Variants in RNF121 observed in about 807,000 individuals in gnomAD.
RNF121 encodes ring finger protein 121, also known as E3 ubiquitin ligase RNF121.
Under a neutral mutation model 46.5 loss-of-function variants are expected in RNF121, and 21 were observed. The observed-to-expected ratio is 0.45, with a 90% CI of 0.32 to 0.65. The LOEUF (loss-of-function observed/expected upper bound fraction) is 0.65, where lower values mean the gene tolerates loss of function less well. Ranked by LOEUF, RNF121 falls within the 30% of genes least tolerant of loss-of-function variation. The pLI is 0.04. For synonymous variants in RNF121, 139 were observed against 144.7 expected (o/e 0.96, Z 0.28); for missense variants, 346 against 416.0 (o/e 0.83, Z 1.46).
chr11:71,988,117 A>G (rs544846980), intron 5 of RNF121, among the ~76,000 whole-genome samples: 1 of 152,338 alleles, frequency 6.6e-6, no homozygotes, highest in Non-Finnish European at 1.5e-5. Context: ...ATTATCCCAG[A>G]TAACGCTGCT....
At chr11:71,931,613 G>T (rs1344643192) in intron 1 of RNF121, among the ~76,000 whole-genome samples, 1 of 152,092 alleles carries the variant, frequency 6.6e-6, no homozygotes, top group Non-Finnish European at 1.5e-5. Context: ...AGTAAGACAG[G>T]ATCTTTACCA....
chr11:71,961,815 T>G (rs1231686794), intron 3 of RNF121, among the ~76,000 whole-genome samples: 1 of 152,172 alleles, frequency 6.6e-6, no homozygotes, highest in African/African-American at 2.4e-5. Flanking sequence ...TGGCACACAC[T>G]TGTAATCCCA....
intron 3 of RNF121, among the ~76,000 whole-genome samples, chr11:71,972,533 C>G (rs1954441093): frequency 1.3e-5 from 2 of 151,974 alleles, no homozygotes; most frequent in African/African-American, 4.8e-5. Flanking sequence ...TAGCTCTGTT[C>G]TCCTAGACCA....
At chr11:71,959,541 G>A (rs1285027297) in intron 2 of RNF121, among the ~76,000 whole-genome samples, 1 of 151,406 alleles carries the variant, frequency 6.6e-6, no homozygotes, top group Non-Finnish European at 1.5e-5. Context: ...AGTTACATTT[G>A]TATTTGATTT....
intron 1 of RNF121, among the ~76,000 whole-genome samples, chr11:71,944,527 T>C (rs1953668517): frequency 6.6e-6 from 1 of 152,108 alleles, no homozygotes; most frequent in African/African-American, 2.4e-5. Flanking sequence ...CAGGAGAGCA[T>C]ATGTTAAGTC....
chr11:71,944,994 G>T (rs1439758478), intron 1 of RNF121, among the ~76,000 whole-genome samples: 2 of 150,858 alleles, frequency 1.3e-5, no homozygotes, highest in African/African-American at 2.4e-5. Flanking sequence ...TCACTTTTTT[G>T]TTGTTTTTTT....
intron 1 of RNF121, among the ~76,000 whole-genome samples, chr11:71,929,448 A>T (rs1392448866): frequency 6.6e-6 from 1 of 151,698 alleles, no homozygotes; most frequent in Non-Finnish European, 1.5e-5. Flanking sequence ...AGGTAGTTTG[A>T]GTTGGAGGGA....
At chr11:71,993,572 C>A (rs1289427329) in intron 6 of RNF121, among the ~76,000 whole-genome samples, 1 of 152,100 alleles carries the variant, frequency 6.6e-6, no homozygotes, top group Non-Finnish European at 1.5e-5. Context: ...TTGTGTGTGA[C>A]ACCGCATTTG....
chr11:71,971,431 TAAGA>T (rs1380940496), intron 3 of RNF121, among the ~76,000 whole-genome samples: 1 of 152,126 alleles, frequency 6.6e-6, no homozygotes, highest in Non-Finnish European at 1.5e-5. Context: ...TATAAGCAAG[TAAGA>T]AAGATTCGAT....
chr11:71,965,870 G>A (rs1954265089), intron 3 of RNF121, among the ~76,000 whole-genome samples: 1 of 152,202 alleles, frequency 6.6e-6, no homozygotes, highest in Non-Finnish European at 1.5e-5. Flanking sequence ...GGTATAGTCA[G>A]TATTTTTAAT....
rs572460609 is a variant in RNF121 at position 71,995,346 on chromosome 11, C to T, written c.762-104C>T. The T allele has an allele frequency of 5.8e-6, 5 of 864,688 alleles. No homozygotes were observed. In the East Asian group the frequency reaches 1.3e-4, roughly 23 times the overall value. 53.6% of individuals were successfully genotyped at this position (864,688 alleles called of 1,614,324 possible). On this transcript the variant is annotated intron_variant, in intron 7 of 8. Transcript: ENST00000361756. The stretch of plus-strand genomic sequence containing the variant: ...AGACACAGGGACTTGCCCAACATTA[C>T]AGAGCTGATAAAGAGCGAAGGCAGG...
chr11:71,941,442 T>C (rs1396879029), intron 1 of RNF121, among the ~76,000 whole-genome samples: 5 of 152,354 alleles, frequency 3.3e-5, no homozygotes, highest in Middle Eastern at 3.4e-3. Context: ...GACTTCAGTG[T>C]CAAACATTTT....
At position 71,995,469 on chromosome 11, in the gene RNF121, C is replaced by A; in HGVS notation, c.781C>A (p.Arg261Ser). 6.3e-7 allele frequency: 1 copy of A among 1,586,336 alleles called. No homozygotes were observed. The highest frequency in any genetic ancestry group is 8.6e-7 in the Non-Finnish European group (1 of 1,164,338). ...CNHVFHEFCIRGWCIVGKKQT... is the reference protein window; with the variant it reads ...CNHVFHEFCISGWCIVGKKQT... The stretch of plus-strand genomic sequence containing the variant: ...GCTCAGCTTCCACGAGTTCTGCATC[C>A]GTGGCTGGTGCATCGTGGGAAAGAA... Residue 261 changes from arginine to serine, a missense_variant, in exon 8 of 9, where the codon CGT (arginine) becomes AGT (serine). Physicochemically the swap from Arg to Ser is moderately radical, Grantham distance 110 (BLOSUM62 -1). Transcript: ENST00000361756.
intron 1 of RNF121, among the ~76,000 whole-genome samples, chr11:71,946,010 C>T (rs1953706330): frequency 6.6e-6 from 1 of 151,838 alleles, no homozygotes; most frequent in Non-Finnish European, 1.5e-5. Context: ...ACTCGGGAGG[C>T]TGAGGTGGGA....
chr11:71,959,787 C>A (rs1014200164), intron 2 of RNF121, among the ~76,000 whole-genome samples: 5 of 152,118 alleles, frequency 3.3e-5, no homozygotes, highest in African/African-American at 1.2e-4. Flanking sequence ...AGGCATGCAC[C>A]ACCACACCCG....
Position 71,994,867 on chromosome 11 carries a change from G to A in RNF121, c.761+15G>A, listed in dbSNP as rs202159165. On this transcript the variant is annotated intron_variant, in intron 7 of 8. Transcript: ENST00000361756. ...TGCAATCATGTGTATCCTGCCTCGA[G>A]CTCCTGGGCCACATCTCTCCTGCAA... The A allele has an allele frequency of 2.5e-6, 4 of 1,613,962 alleles. No individual in the cohort carries two copies. Among genetic ancestry groups the A allele is most frequent in the Non-Finnish European group, 3.4e-6 (4 of 1,179,988 alleles).
chr11:71,988,168 G>A (rs1954803587), intron 5 of RNF121, among the ~76,000 whole-genome samples: 1 of 152,142 alleles, frequency 6.6e-6, no homozygotes, highest in Admixed American at 6.5e-5. Flanking sequence ...ATGGAATTTT[G>A]GCTGTTGCTT....
intron 1 of RNF121, among the ~76,000 whole-genome samples, chr11:71,931,836 G>A (rs1251330263): frequency 1.3e-5 from 2 of 152,148 alleles, no homozygotes; most frequent in Middle Eastern, 3.2e-3. Flanking sequence ...CATTAATATT[G>A]CCCCCTGTGT....
At chr11:71,957,186 T>G (rs750475798) in intron 1 of RNF121, 41 bp from the exon 2 acceptor site, 1 of 1,397,620 alleles carries the variant, frequency 7.2e-7, no homozygotes, top group South Asian at 1.2e-5. Flanking sequence ...AGGGACAGTT[T>G]TAAGACAGTA....
Sources: allele counts gnomAD v4.1 joint callset (sites outside exome capture counted in the v4.1 genomes callset), GRCh38; gene constraint gnomAD v4.1.1; transcripts MANE v1.5; gene names NCBI Gene and HGNC (gene_info 2026-07-23, HGNC 2026-07-21).